The following NEXMIF variants were observed in gnomAD, a reference collection of about 807,000 sequenced individuals.
NEXMIF encodes XLMR protein related to neurite extension.
A neutral mutation model predicts 62.1 loss-of-function variants in NEXMIF; 8 were observed. The ratio of observed to expected loss-of-function variants is 0.13; its 90% CI spans 0.08 to 0.23. The LOEUF is 0.23. NEXMIF is among the 10% of genes least tolerant of loss of function. The pLI is 1.00. For synonymous variants in NEXMIF, 404 were observed against 416.6 expected (o/e 0.97, Z 0.37); for missense variants, 976 against 1,113.3 (o/e 0.88, Z 1.75).
chrX:74,807,155 C>T (rs140601088), intron 1 of NEXMIF, among the ~76,000 whole-genome samples: 35 of 112,138 alleles, frequency 3.1e-4, no homozygotes, highest in Middle Eastern at 4.6e-3. Context: ...TTGACAACAT[C>T]GAGTCTTTTT....
intron 1 of NEXMIF, among the ~76,000 whole-genome samples, chrX:74,825,576 CAG>C (rs2080413119): frequency 8.9e-6 from 1 of 112,100 alleles, no homozygotes; most frequent in South Asian, 3.7e-4. Flanking sequence ...TTTTTTTTGA[CAG>C]AGTCTTGCTC....
chrX:74,742,144 T>C lies in NEXMIF; in HGVS notation c.2413A>G (p.Thr805Ala). ...CCTCCCGGGATAACAGGTATATTAG[T>C]GGTAACATTAGCAGATGATAAAGGC... ...EMPLSSANVT[T>A]NIPVIPGGYL... Residue 805 changes from threonine to alanine, a missense_variant, in exon 3 of 4, where the codon ACT becomes GCT. This residue lies in a region of NEXMIF where 639 missense variants were observed against 694.5 expected (regional missense o/e 0.92). Transcript: ENST00000055682. 3.3e-6 allele frequency: 4 copies of C among 1,211,111 alleles called. No individual in the cohort carries two copies. The highest frequency in any genetic ancestry group is 4.5e-6 in the Non-Finnish European group (4 of 895,059).
intron 1 of NEXMIF, among the ~76,000 whole-genome samples, chrX:74,765,438 T>C (rs773378894): frequency 8.9e-6 from 1 of 111,941 alleles, no homozygotes; most frequent in South Asian, 3.8e-4. Context: ...AAGATTAGTA[T>C]TCATATGTGC....
rs183727370 is a variant in NEXMIF, at chrX:74,857,269, G to A, written c.-48+67614C>T. Among the ~76,000 whole-genome samples the A allele has an allele frequency of 7.1e-5, 8 of 112,201 alleles. No homozygotes were observed. In the East Asian group the frequency reaches 2.0e-3, roughly 28 times the overall value. Reference sequence around the variant, plus strand: ...AAAGAGACCCCTTCCTTCCTCTTCAGGAGAGGAGAGGGAAGAGTAAAGAAG... The same window carrying A: ...AAAGAGACCCCTTCCTTCCTCTTCAAGAGAGGAGAGGGAAGAGTAAAGAAG... On this transcript the variant is annotated intron_variant, in intron 1 of 3. Coordinates refer to ENST00000055682, the MANE Select transcript of NEXMIF (RefSeq NM_001008537.3).
chrX:74,806,797 T>C (rs2080346184), intron 1 of NEXMIF, among the ~76,000 whole-genome samples: 1 of 112,581 alleles, frequency 8.9e-6, no homozygotes, highest in Admixed American at 9.4e-5. Context: ...TGTCCAATTG[T>C]CCCAGAAACT....
At chrX:74,799,832 A>G (rs2080323996) in intron 1 of NEXMIF, among the ~76,000 whole-genome samples, 1 of 111,631 alleles carries the variant, frequency 9.0e-6, no homozygotes, top group African/African-American at 3.3e-5. Flanking sequence ...TCAATTCATC[A>G]AGAAGACATA....
intron 1 of NEXMIF, among the ~76,000 whole-genome samples, chrX:74,804,176 G>T (rs751799038): frequency 8.9e-6 from 1 of 112,437 alleles, no homozygotes; most frequent in Non-Finnish European, 1.9e-5. Context: ...TTAAGGAATA[G>T]AGTTTTTATT....
chrX:74,819,237 G>A (rs1241316616), intron 1 of NEXMIF, among the ~76,000 whole-genome samples: 1 of 111,831 alleles, frequency 8.9e-6, no homozygotes, highest in Non-Finnish European at 1.9e-5. Flanking sequence ...AACCCCAGAA[G>A]AAAACCTAGG....
intron 1 of NEXMIF, among the ~76,000 whole-genome samples, chrX:74,865,073 G>A (rs902736657): frequency 8.9e-6 from 1 of 111,866 alleles, no homozygotes; most frequent in Non-Finnish European, 1.9e-5. Context: ...CAGTAGAGTG[G>A]AGTACTGCTA....
In NEXMIF at chrX:74,812,505, T is replaced by C. The variant is rs187998251; in HGVS notation, c.-47-66808A>G. Reference sequence around the variant, plus strand: ...ACAAGTAATCAATTAAGGTACTGTATCCTTTATAAAGATGCCAAATGAGGC... The same window carrying C: ...ACAAGTAATCAATTAAGGTACTGTACCCTTTATAAAGATGCCAAATGAGGC... On this transcript the variant is annotated intron_variant, in intron 1 of 3. Coordinates refer to ENST00000055682, the MANE Select transcript of NEXMIF (RefSeq NM_001008537.3). Among the ~76,000 whole-genome samples, 380 of 111,916 alleles carry C rather than the reference T, an allele frequency of 3.4e-3. 2 individuals are homozygous for C. The highest frequency in any genetic ancestry group is 0.012 in the African/African-American group (362 of 30,796).
At chrX:74,840,807 C>T (rs1397951759) in intron 1 of NEXMIF, among the ~76,000 whole-genome samples, 2 of 111,008 alleles carry the variant, frequency 1.8e-5, no homozygotes, top group Admixed American at 1.9e-4. Context: ...AAAGGCCTCA[C>T]TTCTGGGCTT....
intron 1 of NEXMIF, among the ~76,000 whole-genome samples, chrX:74,862,765 A>C (rs1370271804): frequency 2.7e-5 from 3 of 112,112 alleles, no homozygotes; most frequent in Non-Finnish European, 1.9e-5. Context: ...TTAAGGCAGA[A>C]ATCAAAAAGT....
At position 74,770,212 on chromosome X, in the gene NEXMIF, C is replaced by T. The variant is rs527837334; in HGVS notation, c.-47-24515G>A. Among the ~76,000 whole-genome samples the T allele has an allele frequency of 4.5e-5, 5 of 112,038 alleles. No homozygotes were observed. In the East Asian group the frequency reaches 8.4e-4, roughly 19 times the overall value. On this transcript the variant is annotated intron_variant, in intron 1 of 3. Transcript: ENST00000055682. ...TCTTGTACTTGAATTCTAGTTCTTA[C>T]TCATTTTAGATGATTTATTATATCT... is the stretch of plus-strand genomic sequence containing the variant.
chrX:74,740,503 T>G lies in NEXMIF; in HGVS notation c.4054A>C (p.Asn1352His), dbSNP rs2080098817. The change falls in exon 3 of 4, where the codon AAC becomes CAC. Residue 1352 changes from asparagine (N) to histidine (H), a missense_variant. Physicochemically the swap from Asn to His is moderately conservative, Grantham distance 68. This residue lies in a region of NEXMIF where 137 missense variants were observed against 128.9 expected (regional missense o/e 1.06). Coordinates refer to ENST00000055682, the MANE Select transcript of NEXMIF (RefSeq NM_001008537.3). ...TTGGACTCAGGGGAGTAGAATATGTTGGGATCCCCATGGTGCTCCATGGGT... is the reference window on the plus strand; with the variant it reads ...TTGGACTCAGGGGAGTAGAATATGTGGGGATCCCCATGGTGCTCCATGGGT... ...WEPMEHHGDP[N>H]IFYSPESNSL... is the part of the protein sequence containing the mutation. The G allele has an allele frequency of 1.7e-6, 2 of 1,209,775 alleles. No individual in the cohort carries two copies. Among genetic ancestry groups the G allele is most frequent in the Non-Finnish European group, 1.1e-6 (1 of 895,070 alleles).
At chrX:74,834,919 T>C (rs2080451328) in intron 1 of NEXMIF, among the ~76,000 whole-genome samples, 2 of 111,900 alleles carry the variant, frequency 1.8e-5, no homozygotes. Flanking sequence ...CTATCCCCCA[T>C]CTAAATGCAA....
chrX:74,794,312 T>C (rs956970987), intron 1 of NEXMIF, among the ~76,000 whole-genome samples: 2 of 105,882 alleles, frequency 1.9e-5, no homozygotes, highest in African/African-American at 3.4e-5. Context: ...AGGGACCCAC[T>C]TGAGGAGGCA....
At chrX:74,784,966 G>A (rs763312746) in intron 1 of NEXMIF, among the ~76,000 whole-genome samples, 46 of 111,285 alleles carry the variant, frequency 4.1e-4, no homozygotes, top group Non-Finnish European at 7.0e-4. Context: ...ACGCTTCCCC[G>A]GCAGAAAACA....
intron 1 of NEXMIF, among the ~76,000 whole-genome samples, chrX:74,890,891 T>A (rs1369758821): frequency 4.5e-5 from 5 of 111,006 alleles, no homozygotes; most frequent in Non-Finnish European, 9.4e-5. Context: ...TGTCACTGCA[T>A]CCTGCAGTAG....
At chrX:74,809,234 T>G (rs184290288) in intron 1 of NEXMIF, among the ~76,000 whole-genome samples, 1 of 111,843 alleles carries the variant, frequency 8.9e-6, no homozygotes, top group Non-Finnish European at 1.9e-5. Context: ...TAAAAAAAAA[T>G]AAGTCTTAAC....
Sources: allele counts gnomAD v4.1 joint callset (sites outside exome capture counted in the v4.1 genomes callset), GRCh38; gene constraint gnomAD v4.1.1; regional missense constraint gnomAD v4.1.1; transcripts MANE v1.5; gene names NCBI Gene and HGNC (gene_info 2026-07-23, HGNC 2026-07-21).